Variants in EDA observed in about 807,000 individuals in gnomAD.
EDA encodes ectodysplasin A.
EDA carries 2 observed loss-of-function variants against 23.6 expected under a neutral mutation model. The observed-to-expected ratio is 0.08, with a 90% CI of 0.03 to 0.27. The LOEUF (loss-of-function observed/expected upper bound fraction) is 0.27. Ranked by LOEUF, EDA falls within the 10% of genes least tolerant of loss-of-function variation. EDA has a pLI of 1.00. For missense variants in EDA, 229 were observed against 324.2 expected (o/e 0.71, Z 2.26); for synonymous variants, 131 against 132.0 (o/e 0.99, Z 0.05).
chrX:69,691,049 A>T (rs1481904859), intron 1 of EDA, among the ~76,000 whole-genome samples: 1 of 111,431 alleles, frequency 9.0e-6, no homozygotes, highest in Admixed American at 9.6e-5. Context: ...AGGTTTGTCA[A>T]TTTTGTGGAT....
rs751293381 is a variant in EDA, at chrX:69,782,366, TAAAAAAAAAA to T, written c.396+165679_396+165688del. On this transcript the variant is annotated intron_variant, in intron 1 of 7. Transcript: ENST00000374552. ...GTAGACAAATAACATTAAATGCTCTTAAAAAAAAAAAAAAAAAAAAAAAAAACATTAAGCA... is the reference window on the plus strand; with the variant it reads ...GTAGACAAATAACATTAAATGCTCTTAAAAAAAAAAAAAAAACATTAAGCA... Among the ~76,000 whole-genome samples, 177 of 65,428 alleles carry T rather than the reference TAAAAAAAAAA, an allele frequency of 2.7e-3. 1 individual carries two copies. The highest frequency in any genetic ancestry group is 5.1e-3 in the South Asian group (5 of 981). 56.8% of individuals were successfully genotyped at this position (65,428 alleles called of 115,157 possible).
intron 1 of EDA, among the ~76,000 whole-genome samples, chrX:69,778,746 A>G (rs1278538209): frequency 9.0e-6 from 1 of 111,377 alleles, no homozygotes; most frequent in Non-Finnish European, 1.9e-5. Context: ...TTGCTGTCCC[A>G]AGTTTTCTTA....
intron 1 of EDA, among the ~76,000 whole-genome samples, chrX:69,650,392 A>G (rs777297435): frequency 9.8e-5 from 11 of 111,987 alleles, no homozygotes; most frequent in African/African-American, 3.2e-4. Context: ...ACAAAGGGCT[A>G]TGAATGGTGG....
chrX:69,979,472 T>C (rs889764758), intron 2 of EDA, among the ~76,000 whole-genome samples: 2 of 112,194 alleles, frequency 1.8e-5, no homozygotes, highest in Non-Finnish European at 3.8e-5. Context: ...AATACCAGAC[T>C]GTTTTCCAAA....
chrX:69,686,134 G>A (rs1452963175), intron 1 of EDA, among the ~76,000 whole-genome samples: 2 of 111,537 alleles, frequency 1.8e-5, no homozygotes, highest in African/African-American at 3.3e-5. Context: ...TCAGCCTCCC[G>A]AGTAGCTGGG....
intron 1 of EDA, chrX:69,670,186 T>TTTTTTTG (rs1555979897): frequency 3.3e-6 from 1 of 301,228 alleles, no homozygotes; most frequent in East Asian, 4.7e-5. Context: ...GCTGACTGTT[T>TTTTTTTG]TTTTTTTTTT....
intron 1 of EDA, among the ~76,000 whole-genome samples, chrX:69,690,093 A>G (rs1164602668): frequency 9.0e-6 from 1 of 110,770 alleles, no homozygotes; most frequent in African/African-American, 3.3e-5. Flanking sequence ...ACTTTGCTCT[A>G]TATAATATTA....
chrX:69,777,793 T>C (rs756884721), intron 1 of EDA, among the ~76,000 whole-genome samples: 2 of 112,092 alleles, frequency 1.8e-5, no homozygotes, highest in African/African-American at 6.5e-5. Context: ...AAATTACAAA[T>C]TTAGGTATAA....
chrX:69,646,734 C>T (rs1015634200), intron 1 of EDA, among the ~76,000 whole-genome samples: 1 of 111,835 alleles, frequency 8.9e-6, no homozygotes, highest in African/African-American at 3.3e-5. Flanking sequence ...TTGATCCTGT[C>T]ATCTTGATGA....
intron 1 of EDA, among the ~76,000 whole-genome samples, chrX:69,643,887 T>C (rs898902807): frequency 4.5e-5 from 5 of 111,631 alleles, no homozygotes; most frequent in Non-Finnish European, 9.4e-5. Context: ...TTGCTTGTTT[T>C]TGTCAGGTTT....
chrX:69,654,108 C>A (rs1933209601), intron 1 of EDA, among the ~76,000 whole-genome samples: 1 of 111,534 alleles, frequency 9.0e-6, no homozygotes, highest in African/African-American at 3.3e-5. Flanking sequence ...AAGAAAAAAA[C>A]AAACAAATCC....
At chrX:69,711,373 T>C (rs185115096) in intron 1 of EDA, among the ~76,000 whole-genome samples, 1 of 111,760 alleles carries the variant, frequency 8.9e-6, no homozygotes, top group Admixed American at 9.5e-5. Flanking sequence ...AGCTTTTTGA[T>C]GTGCTGCTGG....
intron 1 of EDA, among the ~76,000 whole-genome samples, chrX:69,956,301 TTCTTTCTTTC>T (rs1333701400): frequency 8.9e-5 from 9 of 101,511 alleles, no homozygotes; most frequent in Admixed American, 3.3e-4. Flanking sequence ...CTTTCTTTCT[TTCTTTCTTTC>T]TCTTTCTCTT....
At chrX:69,721,004 C>G (rs1429157222) in intron 1 of EDA, among the ~76,000 whole-genome samples, 1 of 111,880 alleles carries the variant, frequency 8.9e-6, no homozygotes, top group Non-Finnish European at 1.9e-5. Context: ...TTAGCAGTCA[C>G]CTTGTTTAGG....
intron 1 of EDA, among the ~76,000 whole-genome samples, chrX:69,919,406 G>A (rs2018394314): frequency 8.9e-6 from 1 of 112,271 alleles, no homozygotes; most frequent in African/African-American, 3.2e-5. Flanking sequence ...AGGAGACACT[G>A]GCAGATACTT....
chrX:69,870,754 C>T (rs2017554132), intron 1 of EDA, among the ~76,000 whole-genome samples: 1 of 111,648 alleles, frequency 9.0e-6, no homozygotes, highest in Admixed American at 9.5e-5. Flanking sequence ...CTCATTTTAA[C>T]AGTAGATACT....
chrX:69,788,558 G>C (rs2015283038), intron 1 of EDA, among the ~76,000 whole-genome samples: 1 of 111,836 alleles, frequency 8.9e-6, no homozygotes, highest in Non-Finnish European at 1.9e-5. Flanking sequence ...GCCGTGTGAG[G>C]TGTCAGTCTG....
intron 2 of EDA, among the ~76,000 whole-genome samples, chrX:69,960,387 T>C (rs367998609): frequency 2.4e-4 from 27 of 111,427 alleles, no homozygotes; most frequent in Non-Finnish European, 4.9e-4. Context: ...CAGGTAGAAT[T>C]GCCATTTCTG....
intron 1 of EDA, among the ~76,000 whole-genome samples, chrX:69,879,199 T>G (rs763333863): frequency 1.8e-5 from 2 of 110,975 alleles, no homozygotes; most frequent in African/African-American, 6.6e-5. Flanking sequence ...TCTTTCATAT[T>G]GCTGTTTAGG....
Sources: gnomAD v4.1 joint callset for allele counts (sites outside exome capture counted in the v4.1 genomes callset) on GRCh38, gnomAD v4.1.1 for gene constraint, MANE v1.5 for transcripts, NCBI Gene and HGNC (gene_info 2026-07-23, HGNC 2026-07-21) for gene names.